Variants in AGBL4 observed in about 807,000 individuals in gnomAD.
AGBL4 encodes the protein cytosolic carboxypeptidase 6.
A neutral mutation model predicts 66.4 loss-of-function variants in AGBL4; 58 were observed. The observed-to-expected ratio is 0.87, with a 90% confidence interval of 0.71 to 1.09. The LOEUF (loss-of-function observed/expected upper bound fraction) is 1.09, where lower values mean the gene tolerates loss of function less well. Ranked by LOEUF, AGBL4 falls within the 50% of genes least tolerant of loss-of-function variation. AGBL4 has a pLI of 0.00. For missense variants in AGBL4, 579 were observed against 631.0 expected (o/e 0.92, Z 0.88); for synonymous variants, 234 against 222.9 (o/e 1.05, Z -0.44).
At chr1:49,035,011 T>C (rs1475974689) in intron 5 of AGBL4, among the ~76,000 whole-genome samples, 1 of 152,130 alleles carries the variant, frequency 6.6e-6, no homozygotes. Flanking sequence ...CAAGTTGTAT[T>C]GTATCAGGGT....
intron 5 of AGBL4, among the ~76,000 whole-genome samples, chr1:48,928,684 G>T (rs988353294): frequency 6.6e-6 from 1 of 152,008 alleles, no homozygotes; most frequent in Non-Finnish European, 1.5e-5. Flanking sequence ...ACCTCTCTGG[G>T]CCTTAGTTGT....
intron 3 of AGBL4, among the ~76,000 whole-genome samples, chr1:49,617,267 C>A (rs772622190): frequency 6.6e-6 from 1 of 152,138 alleles, no homozygotes; most frequent in African/African-American, 2.4e-5. Flanking sequence ...GCTTCATATG[C>A]TCTGCCCTCA....
At chr1:49,768,951 C>T (rs1341723997) in intron 2 of AGBL4, among the ~76,000 whole-genome samples, 1 of 151,956 alleles carries the variant, frequency 6.6e-6, no homozygotes, top group African/African-American at 2.4e-5. Context: ...TGGGTTCAAG[C>T]GATTATCTTG....
intron 4 of AGBL4, among the ~76,000 whole-genome samples, chr1:49,088,326 A>G (rs76607784): frequency 9.7e-4 from 147 of 152,124 alleles, no homozygotes; most frequent in African/African-American, 3.3e-3. Flanking sequence ...ATGCTGTCTT[A>G]AAAGCAAAAC....
intron 9 of AGBL4, among the ~76,000 whole-genome samples, chr1:48,633,978 G>A (rs1252057224): frequency 1.3e-5 from 2 of 152,188 alleles, no homozygotes; most frequent in African/African-American, 4.8e-5. Flanking sequence ...GACTTGCCCA[G>A]AAGTGGGCCT....
intron 11 of AGBL4, among the ~76,000 whole-genome samples, chr1:48,579,823 C>T (rs1644710935): frequency 1.4e-5 from 2 of 145,708 alleles, no homozygotes; most frequent in East Asian, 2.0e-4. Flanking sequence ...GAGGCTGAGG[C>T]AGGAGAATGG....
chr1:48,827,734 A>C (rs114741655), intron 6 of AGBL4, among the ~76,000 whole-genome samples: 1,765 of 152,324 alleles, frequency 0.012, 32 homozygotes, highest in African/African-American at 0.04. Flanking sequence ...GAATCATGAC[A>C]GCTGGGAAAT....
chr1:49,021,308 AAT>A (rs1663230764), intron 5 of AGBL4, among the ~76,000 whole-genome samples: 9 of 152,172 alleles, frequency 5.9e-5, no homozygotes, highest in Non-Finnish European at 1.2e-4. Flanking sequence ...TGATCACATG[AAT>A]TAAGATAAAA....
chr1:49,237,462 A>G (rs1650849854), intron 4 of AGBL4, among the ~76,000 whole-genome samples: 4 of 132,826 alleles, frequency 3.0e-5, no homozygotes, highest in Admixed American at 2.3e-4. Context: ...TATCAGCAGC[A>G]TAAAAACAGA....
intron 6 of AGBL4, among the ~76,000 whole-genome samples, chr1:48,779,301 C>T (rs1645230957): frequency 6.6e-6 from 1 of 152,204 alleles, no homozygotes; most frequent in Admixed American, 6.5e-5. Context: ...CAGTACACTC[C>T]AGACACCTAA....
chr1:49,494,961 A>G (rs1647404542), intron 3 of AGBL4, among the ~76,000 whole-genome samples: 2 of 152,070 alleles, frequency 1.3e-5, no homozygotes, highest in Non-Finnish European at 2.9e-5. Context: ...GTACAATTTT[A>G]ATATACTTTA....
chr1:49,111,258 G>A (rs888678254), intron 4 of AGBL4, among the ~76,000 whole-genome samples: 1 of 151,994 alleles, frequency 6.6e-6, no homozygotes, highest in East Asian at 1.9e-4. Context: ...GAGTACAGGC[G>A]CCTGCCACCA....
chr1:49,645,200 C>T (rs1645860801), intron 3 of AGBL4, among the ~76,000 whole-genome samples: 1 of 151,468 alleles, frequency 6.6e-6, no homozygotes, highest in Non-Finnish European at 1.5e-5. Flanking sequence ...AAGAGGAGAA[C>T]ATTACACTCA....
intron 1 of AGBL4, among the ~76,000 whole-genome samples, chr1:49,930,407 C>T (rs191486202): frequency 7.9e-5 from 12 of 152,164 alleles, no homozygotes; most frequent in Admixed American, 3.3e-4. Context: ...CAACTCTACA[C>T]AAACTCTTTC....
intron 3 of AGBL4, among the ~76,000 whole-genome samples, chr1:49,372,669 T>TTC (rs1339589577): frequency 8.1e-4 from 55 of 68,098 alleles, no homozygotes; most frequent in Middle Eastern, 7.6e-3. Flanking sequence ...CTTTCTTTCT[T>TTC]TCTTTCTTTC....
At chr1:49,524,181 T>A (rs1237043802) in intron 3 of AGBL4, among the ~76,000 whole-genome samples, 3 of 152,124 alleles carry the variant, frequency 2.0e-5, no homozygotes, top group Non-Finnish European at 4.4e-5. Flanking sequence ...AGCACACACA[T>A]TCATCTCCTT....
intron 3 of AGBL4, among the ~76,000 whole-genome samples, chr1:49,573,335 C>T (rs7533404): frequency 0.094 from 14,307 of 151,924 alleles, 898 homozygotes; most frequent in African/African-American, 0.17. Context: ...TGGTTAGACA[C>T]AAAAATGCTA....
chr1:48,629,554 G>A (rs1645560406), intron 9 of AGBL4, among the ~76,000 whole-genome samples: 1 of 152,178 alleles, frequency 6.6e-6, no homozygotes, highest in Non-Finnish European at 1.5e-5. Flanking sequence ...TGGTTAGATG[G>A]TGAGGGCAGG....
intron 1 of AGBL4, among the ~76,000 whole-genome samples, chr1:49,898,833 G>A (rs1432073879): frequency 6.6e-6 from 1 of 152,170 alleles, no homozygotes; most frequent in Non-Finnish European, 1.5e-5. Flanking sequence ...GATGAAACTA[G>A]AGGTCACTGT....
Sources: gnomAD v4.1 joint callset for allele counts (sites outside exome capture counted in the v4.1 genomes callset) on GRCh38, gnomAD v4.1.1 for gene constraint, MANE v1.5 for transcripts, NCBI Gene and HGNC (gene_info 2026-07-23, HGNC 2026-07-21) for gene names.